The following UST variants were observed in gnomAD, a reference collection of about 807,000 sequenced individuals.
The protein encoded by UST is chondroitin sulfate 2-O-sulfotransferase.
Under a neutral mutation model 45.6 loss-of-function variants are expected in UST, and 21 were observed. The ratio of observed to expected loss-of-function variants is 0.46; its 90% CI spans 0.33 to 0.66. The LOEUF (loss-of-function observed/expected upper bound fraction) is 0.66, where lower values mean the gene tolerates loss of function less well. UST is among the 30% of genes least tolerant of loss of function. UST has a pLI of 0.02. For synonymous variants in UST, 215 were observed against 200.6 expected (o/e 1.07, Z -0.61); for missense variants, 463 against 512.4 (o/e 0.90, Z 0.93).
At chr6:149,031,722 T>A (rs1582967871) in intron 7 of UST, among the ~76,000 whole-genome samples, 1 of 152,230 alleles carries the variant, frequency 6.6e-6, no homozygotes, top group East Asian at 1.9e-4. Flanking sequence ...AATCTGAAAC[T>A]ACCAGAAAAA....
intron 1 of UST, 147 bp downstream of exon 1, chr6:148,747,824 G>A (rs955392521): frequency 9.0e-7 from 1 of 1,107,000 alleles, no homozygotes; most frequent in Non-Finnish European, 1.2e-6. Context: ...GAGCATCTGT[G>A]CCGCGGTCGG....
chr6:148,895,663 C>G (rs1779113451), intron 2 of UST, among the ~76,000 whole-genome samples: 1 of 152,210 alleles, frequency 6.6e-6, no homozygotes, highest in African/African-American at 2.4e-5. Context: ...ATCCATCTCA[C>G]AAGATCTGAT....
intron 5 of UST, among the ~76,000 whole-genome samples, chr6:149,018,139 A>AG (rs1562330819): frequency 6.6e-6 from 1 of 152,142 alleles, no homozygotes; most frequent in Non-Finnish European, 1.5e-5. Context: ...AAGAAGTATG[A>AG]GGGGATTATT....
At chr6:148,877,701 GA>G (rs1203039471) in intron 1 of UST, among the ~76,000 whole-genome samples, 2 of 120,860 alleles carry the variant, frequency 1.7e-5, no homozygotes, top group Non-Finnish European at 1.7e-5. Flanking sequence ...GTATGAGTGT[GA>G]GGGGTCGTGT....
At chr6:148,878,188 A>T (rs1406206801) in intron 1 of UST, among the ~76,000 whole-genome samples, 3 of 83,922 alleles carry the variant, frequency 3.6e-5, no homozygotes, top group South Asian at 5.1e-4. Context: ...GAGTGAGGAG[A>T]TCATGTACGA....
chr6:148,970,039 A>T (rs914698812), intron 5 of UST, among the ~76,000 whole-genome samples: 4 of 152,236 alleles, frequency 2.6e-5, no homozygotes, highest in African/African-American at 7.2e-5. Flanking sequence ...GCCATCCAGG[A>T]GCATGGAGGA....
intron 2 of UST, among the ~76,000 whole-genome samples, chr6:148,922,637 C>CT (rs112318296): frequency 0.49 from 72,813 of 147,198 alleles, 18,473 homozygotes; most frequent in African/African-American, 0.59. Flanking sequence ...TACCTAGGTA[C>CT]TTTTTTTTTG....
chr6:149,072,114 T>G (rs1455361746), intron 7 of UST, among the ~76,000 whole-genome samples: 1 of 152,208 alleles, frequency 6.6e-6, no homozygotes, highest in Admixed American at 6.5e-5. Flanking sequence ...TGTAAAATGG[T>G]GCAAACACTG....
intron 1 of UST, among the ~76,000 whole-genome samples, chr6:148,776,642 A>G (rs1202951689): frequency 6.6e-6 from 1 of 152,204 alleles, no homozygotes; most frequent in Non-Finnish European, 1.5e-5. Flanking sequence ...AGCTCCAGAT[A>G]ATGGTGTTTT....
At chr6:148,870,916 T>C (rs1267702322) in intron 1 of UST, among the ~76,000 whole-genome samples, 1 of 152,200 alleles carries the variant, frequency 6.6e-6, no homozygotes, top group Non-Finnish European at 1.5e-5. Context: ...GTCTGTCACC[T>C]CTTTTTCTGC....
intron 5 of UST, among the ~76,000 whole-genome samples, chr6:148,965,798 T>C (rs926540333): frequency 1.3e-5 from 2 of 152,044 alleles, no homozygotes; most frequent in Non-Finnish European, 1.5e-5. Flanking sequence ...TACCTAAGGC[T>C]TCAGTGAAAT....
chr6:148,861,283 G>A (rs1010769164), intron 1 of UST, among the ~76,000 whole-genome samples: 10 of 152,202 alleles, frequency 6.6e-5, no homozygotes, highest in East Asian at 3.9e-4. Flanking sequence ...GTTTATTTGC[G>A]TAGAGGTGTT....
intron 1 of UST, among the ~76,000 whole-genome samples, chr6:148,870,167 C>A (rs1778521644): frequency 6.8e-6 from 1 of 147,088 alleles, no homozygotes; most frequent in Non-Finnish European, 1.5e-5. Flanking sequence ...CCAGTCTACC[C>A]ATTGCCTTGC....
chr6:149,065,113 T>C (rs1213116940), intron 7 of UST, among the ~76,000 whole-genome samples: 1 of 152,208 alleles, frequency 6.6e-6, no homozygotes, highest in African/African-American at 2.4e-5. Flanking sequence ...CACTTCTTCA[T>C]GGTTAATCCG....
chr6:149,028,671 A>G (rs986672126), intron 7 of UST, among the ~76,000 whole-genome samples: 1 of 152,212 alleles, frequency 6.6e-6, no homozygotes, highest in African/African-American at 2.4e-5. Context: ...GAATAAGTTA[A>G]GTGGAAATAT....
At chr6:149,037,591 G>A (rs1470626911) in intron 7 of UST, among the ~76,000 whole-genome samples, 2 of 152,210 alleles carry the variant, frequency 1.3e-5, no homozygotes, top group Non-Finnish European at 2.9e-5. Context: ...GTTCAGTGGG[G>A]CCCCTGTGCC....
chr6:148,926,164 T>TA (rs1311448715), intron 2 of UST, among the ~76,000 whole-genome samples: 1 of 152,216 alleles, frequency 6.6e-6, no homozygotes, highest in African/African-American at 2.4e-5. Flanking sequence ...TGATCATCGA[T>TA]ACAGCATTTC....
intron 5 of UST, among the ~76,000 whole-genome samples, chr6:149,014,628 T>C (rs1189329341): frequency 1.3e-5 from 2 of 152,068 alleles, no homozygotes; most frequent in African/African-American, 4.8e-5. Flanking sequence ...CTAGCCCAGG[T>C]GGACTGGAGT....
chr6:148,964,928 C>T (rs1780754153), intron 5 of UST, among the ~76,000 whole-genome samples: 1 of 152,150 alleles, frequency 6.6e-6, no homozygotes, highest in African/African-American at 2.4e-5. Context: ...AGCCCCTTCT[C>T]ATCCCTCAGC....
Sources: gnomAD v4.1 joint callset for allele counts (sites outside exome capture counted in the v4.1 genomes callset) on GRCh38, gnomAD v4.1.1 for gene constraint, MANE v1.5 for transcripts, NCBI Gene and HGNC (gene_info 2026-07-23, HGNC 2026-07-21) for gene names.